PPARGC1B: variants seen among roughly 807,000 people sequenced by gnomAD.
PPARGC1B encodes PPARG coactivator 1 beta, also known as peroxisome proliferator-activated receptor gamma coactivator 1-beta.
In PPARGC1B, 34 loss-of-function variants were observed where a neutral mutation model predicts 101.6. The ratio of observed to expected loss-of-function variants is 0.33; its 90% CI spans 0.25 to 0.45. PPARGC1B has a LOEUF of 0.45. Ranked by LOEUF, PPARGC1B falls within the 20% of genes least tolerant of loss-of-function variation. PPARGC1B has a pLI of 1.00. For missense variants in PPARGC1B, 1,234 were observed against 1,317.6 expected (o/e 0.94, Z 0.98); for synonymous variants, 548 against 539.3 (o/e 1.02, Z -0.22).
chr5:149,796,188 G>A (rs562323884), intron 1 of PPARGC1B, among the ~76,000 whole-genome samples: 1 of 152,304 alleles, frequency 6.6e-6, no homozygotes, highest in South Asian at 2.1e-4. Context: ...TAGGGAGGGT[G>A]GTGGCCACTT....
chr5:149,803,832 C>T lies in PPARGC1B; in HGVS notation c.79-16601C>T, dbSNP rs1016892966. Among the ~76,000 whole-genome samples, 7 of 152,230 alleles carry T rather than the reference C, an allele frequency of 4.6e-5. No individual in the cohort carries two copies. The South Asian group carries it at 1.2e-3, about 27-fold the overall frequency. Reference sequence around the variant, plus strand: ...TTCTTCGCTCTGGAACGCACTTCTACATAAGGCAGGCTCAGCTGTGGCTTA... The same window carrying T: ...TTCTTCGCTCTGGAACGCACTTCTATATAAGGCAGGCTCAGCTGTGGCTTA... On this transcript the variant is annotated intron_variant, in intron 1 of 11. Coordinates refer to ENST00000309241, the MANE Select transcript of PPARGC1B (RefSeq NM_133263.4).
At chr5:149,774,152 C>G (rs1187872469) in intron 1 of PPARGC1B, among the ~76,000 whole-genome samples, 1 of 152,184 alleles carries the variant, frequency 6.6e-6, no homozygotes, top group Non-Finnish European at 1.5e-5. Context: ...ACATGGGCAT[C>G]AGAGCCCCAG....
intron 1 of PPARGC1B, among the ~76,000 whole-genome samples, chr5:149,816,129 A>G (rs1300808092): frequency 6.6e-6 from 1 of 152,254 alleles, no homozygotes; most frequent in Non-Finnish European, 1.5e-5. Flanking sequence ...CTCTCTAAAT[A>G]TGGAGATGGC....
At position 149,755,046 on chromosome 5, in the gene PPARGC1B, CATATACATATAT is replaced by C. The variant is rs1417475703; in HGVS notation, c.78+24632_78+24643del. Among the ~76,000 whole-genome samples the C allele has an allele frequency of 1.1e-3, 115 of 105,588 alleles. 1 individual carries two copies. The highest frequency in any genetic ancestry group is 3.9e-3 in the African/African-American group (97 of 24,946). 69.3% of individuals were successfully genotyped at this position (105,588 alleles called of 152,430 possible). The stretch of plus-strand genomic sequence containing the variant: ...CACATATACACTACATATACATATA[CATATACATATAT>C]ATATATATATATATAATTTTTTTTT... On this transcript the variant is annotated intron_variant, in intron 1 of 11. Coordinates refer to ENST00000309241, the MANE Select transcript of PPARGC1B (RefSeq NM_133263.4).
chr5:149,807,529 C>A (rs995935160), intron 1 of PPARGC1B, among the ~76,000 whole-genome samples: 1 of 152,150 alleles, frequency 6.6e-6, no homozygotes, highest in Non-Finnish European at 1.5e-5. Context: ...GCAGGAAGAA[C>A]CAGGAATCTG....
intron 1 of PPARGC1B, among the ~76,000 whole-genome samples, chr5:149,759,704 G>T (rs554928849): frequency 2.1e-4 from 32 of 152,342 alleles, no homozygotes; most frequent in African/African-American, 7.2e-4. Flanking sequence ...GTATTTGGTT[G>T]AAAATGACCC....
chr5:149,796,700 CTGATGGATGGCATG>C (rs919496312), intron 1 of PPARGC1B, among the ~76,000 whole-genome samples: 20 of 152,168 alleles, frequency 1.3e-4, no homozygotes, highest in African/African-American at 4.8e-4. Flanking sequence ...ACAAGACTGG[CTGATGGATGGCATG>C]TGAGGGCGAG....
At chr5:149,814,362 G>A (rs1757973931) in intron 1 of PPARGC1B, among the ~76,000 whole-genome samples, 1 of 152,178 alleles carries the variant, frequency 6.6e-6, no homozygotes, top group Non-Finnish European at 1.5e-5. Context: ...AGTTCTGCGT[G>A]TTTCCCCCCT....
At chr5:149,775,333 A>G (rs1369022237) in intron 1 of PPARGC1B, among the ~76,000 whole-genome samples, 1 of 152,136 alleles carries the variant, frequency 6.6e-6, no homozygotes, top group Non-Finnish European at 1.5e-5. Flanking sequence ...GTAACCTTGG[A>G]CAGCTTCCGT....
At chr5:149,829,257 C>T (rs1463276946) in intron 3 of PPARGC1B, among the ~76,000 whole-genome samples, 2 of 152,176 alleles carry the variant, frequency 1.3e-5, no homozygotes, top group African/African-American at 2.4e-5. Context: ...AGTCTCTCTG[C>T]CCCTGCTCAT....
intron 2 of PPARGC1B, among the ~76,000 whole-genome samples, chr5:149,823,787 G>A (rs59806347): frequency 2.6e-5 from 4 of 152,028 alleles, no homozygotes; most frequent in African/African-American, 9.7e-5. Flanking sequence ...GGAGAGGTCG[G>A]GAGAAGGAGA....
At chr5:149,733,308 A>G (rs1177247024) in intron 1 of PPARGC1B, among the ~76,000 whole-genome samples, 1 of 152,184 alleles carries the variant, frequency 6.6e-6, no homozygotes, top group East Asian at 1.9e-4. Context: ...GTTTCTTGGA[A>G]AGCTTTGAGG....
chr5:149,749,313 GT>G (rs1260225948), intron 1 of PPARGC1B, among the ~76,000 whole-genome samples: 1 of 152,154 alleles, frequency 6.6e-6, no homozygotes, highest in Admixed American at 6.5e-5. Context: ...TTTCATTTCT[GT>G]TTTGCTGATG....
Position 149,826,732 on chromosome 5 carries a change from T to C in PPARGC1B, c.312T>C (p.Pro104=). The C allele has an allele frequency of 1.2e-6, 2 of 1,613,936 alleles. No homozygotes were observed. The highest frequency in any genetic ancestry group is 1.7e-6 in the Non-Finnish European group (2 of 1,179,946). Residue 104 remains proline, a synonymous_variant, in exon 3 of 12, where the codon CCT becomes CCC. Transcript: ENST00000309241. ...AELTKTLDDI[P]EDDVGLAAFP... Reference sequence around the variant, plus strand: ...TCACCAAGACCCTGGATGACATCCCTGAAGATGACGTGGGTCTGGCTGCCT... The same window carrying C: ...TCACCAAGACCCTGGATGACATCCCCGAAGATGACGTGGGTCTGGCTGCCT...
intron 7 of PPARGC1B, among the ~76,000 whole-genome samples, chr5:149,835,821 T>C (rs1408884474): frequency 6.6e-6 from 1 of 152,182 alleles, no homozygotes; most frequent in Non-Finnish European, 1.5e-5. Flanking sequence ...CTCCAAAGAA[T>C]TGGAGGATTC....
intron 6 of PPARGC1B, 78 bp from the exon 7 acceptor site, chr5:149,835,223 C>T (rs750837151): frequency 4.6e-5 from 61 of 1,336,914 alleles, no homozygotes; most frequent in Non-Finnish European, 4.5e-5. Flanking sequence ...GCACTCCCTG[C>T]GACCCTTTCA....
At chr5:149,816,529 A>G (rs563167993) in intron 1 of PPARGC1B, among the ~76,000 whole-genome samples, 4 of 152,342 alleles carry the variant, frequency 2.6e-5, no homozygotes, top group Non-Finnish European at 4.4e-5. Flanking sequence ...AAAAATGTAC[A>G]TAGCTTTTGT....
chr5:149,815,084 A>G (rs1055950806), intron 1 of PPARGC1B, among the ~76,000 whole-genome samples: 3 of 152,216 alleles, frequency 2.0e-5, no homozygotes, highest in Non-Finnish European at 4.4e-5. Flanking sequence ...CGGAAGCAGG[A>G]TGGTGAATGA....
At chr5:149,779,339 A>G (rs1055488113) in intron 1 of PPARGC1B, among the ~76,000 whole-genome samples, 8 of 152,154 alleles carry the variant, frequency 5.3e-5, no homozygotes, top group Non-Finnish European at 7.3e-5. Context: ...AACAAATACA[A>G]TGGGCACTTT....
Sources: allele counts gnomAD v4.1 joint callset (sites outside exome capture counted in the v4.1 genomes callset), GRCh38; gene constraint gnomAD v4.1.1; transcripts MANE v1.5; gene names NCBI Gene and HGNC (gene_info 2026-07-23, HGNC 2026-07-21).